Variants in UBTD1 observed in about 807,000 individuals in gnomAD.
UBTD1 encodes the protein ubiquitin domain-containing protein 1.
In UBTD1, 19 loss-of-function variants were observed where a neutral mutation model predicts 21.7. The observed-to-expected ratio is 0.87, with a 90% confidence interval of 0.61 to 1.28. UBTD1 has a LOEUF of 1.28. UBTD1 is among the 50% of genes most tolerant of loss of function. UBTD1 has a pLI of 0.00. For missense variants in UBTD1, 282 were observed against 315.1 expected (o/e 0.89, Z 0.80); for synonymous variants, 116 against 135.1 (o/e 0.86, Z 0.98).
chr10:97,528,164 C>T (rs1228987941), intron 1 of UBTD1, among the ~76,000 whole-genome samples: 5 of 111,760 alleles, frequency 4.5e-5, no homozygotes, highest in South Asian at 3.8e-4. Context: ...GGCGGCTGGC[C>T]GGGCGGGGGG....
chr10:97,515,285 T>C (rs1195015155), intron 1 of UBTD1, among the ~76,000 whole-genome samples: 1 of 152,222 alleles, frequency 6.6e-6, no homozygotes, highest in African/African-American at 2.4e-5. Context: ...AAGTTGTGTG[T>C]GGCTGAGTTA....
intron 1 of UBTD1, among the ~76,000 whole-genome samples, chr10:97,546,638 G>A (rs919341449): frequency 2.6e-5 from 4 of 151,254 alleles, no homozygotes; most frequent in African/African-American, 7.3e-5. Flanking sequence ...GCAGTCAGGT[G>A]TGGATAGCAC....
chr10:97,508,745 A>T (rs2040409389), intron 1 of UBTD1, among the ~76,000 whole-genome samples: 2 of 152,200 alleles, frequency 1.3e-5, no homozygotes, highest in South Asian at 4.1e-4. Flanking sequence ...ATGTGAGTCC[A>T]TCATCTTGGA....
chr10:97,529,169 G>A (rs1342876255), intron 1 of UBTD1, among the ~76,000 whole-genome samples: 11 of 151,628 alleles, frequency 7.3e-5, no homozygotes, highest in Admixed American at 3.3e-4. Flanking sequence ...GACGATGGGC[G>A]GCCGGGCAGA....
chr10:97,562,304 G>A (rs7475851), intron 1 of UBTD1, among the ~76,000 whole-genome samples: 57 of 152,172 alleles, frequency 3.7e-4, no homozygotes, highest in African/African-American at 1.2e-3. Context: ...TCGGTGTCAC[G>A]CGCATCCATG....
At chr10:97,565,187 G>A (rs1041498136) in intron 1 of UBTD1, among the ~76,000 whole-genome samples, 3 of 152,066 alleles carry the variant, frequency 2.0e-5, no homozygotes, top group African/African-American at 4.8e-5. Flanking sequence ...AATATTTTAC[G>A]GGGTTTGGCT....
At chr10:97,552,065 C>T (rs899284831) in intron 1 of UBTD1, among the ~76,000 whole-genome samples, 1 of 152,090 alleles carries the variant, frequency 6.6e-6, no homozygotes, top group Non-Finnish European at 1.5e-5. Context: ...GTGCGAGCCA[C>T]TGTGCTCAGC....
intron 1 of UBTD1, among the ~76,000 whole-genome samples, chr10:97,545,424 GT>G (rs1564741825): frequency 4.2e-4 from 9 of 21,326 alleles, no homozygotes; most frequent in African/African-American, 8.6e-4. Context: ...GTGGGTGTGT[GT>G]GTGTGGGTGT....
chr10:97,507,796 AAAAAGAG>A (rs2040405592), intron 1 of UBTD1, among the ~76,000 whole-genome samples: 1 of 151,188 alleles, frequency 6.6e-6, no homozygotes, highest in African/African-American at 2.4e-5. Context: ...AAAAAAAAAA[AAAAAGAG>A]AGGAACCTGG....
Position 97,529,399 on chromosome 10 carries a change from G to A in UBTD1, c.70+30126G>A, listed in dbSNP as rs533282770. On this transcript the variant is annotated intron_variant, in intron 1 of 2. Transcript: ENST00000370664. ...GAGGCTGCAATCTCGGCACTTTGGG[G>A]GGCCAAGGCAGGCGGCTGGGAGGTG... Among the ~76,000 whole-genome samples, 547 of 152,340 alleles carry A rather than the reference G, an allele frequency of 3.6e-3. 7 individuals carry two copies. The highest frequency in any genetic ancestry group is 0.013 in the African/African-American group (520 of 41,574).
rs1452188393 is a variant in UBTD1 at position 97,528,628 on chromosome 10, C to G, written c.70+29355C>G. On this transcript the variant is annotated intron_variant, in intron 1 of 2. Transcript: ENST00000370664. ...GCGGCTGGCCGGGCGGGGGGCTGAA[C>G]CCCCACCTCCCTCCCGGACGGGGCG... is the stretch of plus-strand genomic sequence containing the variant. Among the ~76,000 whole-genome samples, 3 of 97,998 alleles carry G rather than the reference C, an allele frequency of 3.1e-5. 1 individual carries two copies. Among genetic ancestry groups the G allele is most frequent in the African/African-American group, 1.1e-4 (3 of 26,532 alleles). 64.3% of individuals were successfully genotyped at this position (97,998 alleles called of 152,430 possible).
intron 1 of UBTD1, 88 bp downstream of exon 1, chr10:97,499,361 C>A: frequency 7.1e-7 from 1 of 1,415,638 alleles, no homozygotes; most frequent in Non-Finnish European, 9.4e-7. Context: ...ATGGACTCCC[C>A]ACTGGTGCTG....
intron 1 of UBTD1, among the ~76,000 whole-genome samples, chr10:97,560,207 G>A (rs2040685837): frequency 6.6e-6 from 1 of 151,496 alleles, no homozygotes; most frequent in South Asian, 2.1e-4. Flanking sequence ...CATAAATTCT[G>A]CCTCACCCTT....
At chr10:97,555,889 G>T (rs12766074) in intron 1 of UBTD1, among the ~76,000 whole-genome samples, 86,243 of 152,032 alleles carry the variant, frequency 0.57, 27,117 homozygotes, top group Non-Finnish European at 0.73. Flanking sequence ...CTTAAAATGG[G>T]TACTGAGTAT....
chr10:97,513,233 T>C (rs1289973992), intron 1 of UBTD1, among the ~76,000 whole-genome samples: 1 of 152,214 alleles, frequency 6.6e-6, no homozygotes, highest in Middle Eastern at 3.2e-3. Context: ...TGTGTGCACA[T>C]ATTATACATG....
At chr10:97,510,761 C>T (rs1167266503) in intron 1 of UBTD1, among the ~76,000 whole-genome samples, 5 of 152,060 alleles carry the variant, frequency 3.3e-5, no homozygotes, top group East Asian at 1.9e-4. Flanking sequence ...AAGGCAAATC[C>T]GAAGCAAGTT....
chr10:97,528,842 C>T (rs1412190719), intron 1 of UBTD1, among the ~76,000 whole-genome samples: 10 of 141,316 alleles, frequency 7.1e-5, no homozygotes, highest in African/African-American at 2.4e-4. Context: ...CCAGTAGGGG[C>T]GGCCGGGCAG....
chr10:97,550,831 C>A (rs540684509), intron 1 of UBTD1, among the ~76,000 whole-genome samples: 4 of 152,268 alleles, frequency 2.6e-5, no homozygotes, highest in Admixed American at 2.6e-4. Flanking sequence ...ACTCTCCTTT[C>A]GGTGCCCTCC....
intron 1 of UBTD1, among the ~76,000 whole-genome samples, chr10:97,566,679 C>T (rs902426482): frequency 6.6e-6 from 1 of 152,216 alleles, no homozygotes; most frequent in Non-Finnish European, 1.5e-5. Context: ...CAGCGGAGAT[C>T]GCTGCCTGCA....
Sources: gnomAD v4.1 joint callset for allele counts (sites outside exome capture counted in the v4.1 genomes callset) on GRCh38, gnomAD v4.1.1 for gene constraint, MANE v1.5 for transcripts, NCBI Gene and HGNC (gene_info 2026-07-23, HGNC 2026-07-21) for gene names.